CNTN6: variants seen among roughly 807,000 people sequenced by gnomAD.
CNTN6 encodes the protein contactin-6.
In CNTN6, 137 loss-of-function variants were observed where a neutral mutation model predicts 122.8. That is an observed-to-expected ratio of 1.12 (90% CI 0.97 to 1.29). The LOEUF (loss-of-function observed/expected upper bound fraction) is 1.29. CNTN6 is among the 50% of genes most tolerant of loss of function. The pLI is 0.00. For synonymous variants in CNTN6, 570 were observed against 426.0 expected (o/e 1.34, Z -4.16); for missense variants, 1,634 against 1,223.4 (o/e 1.34, Z -5.01).
At chr3:1,384,707 CATATACATACTAT>C (rs1692500152) in intron 19 of CNTN6, among the ~76,000 whole-genome samples, 3 of 137,030 alleles carry the variant, frequency 2.2e-5, no homozygotes. Flanking sequence ...CACACGTATA[CATATACATACTAT>C]ATATACACAC....
chr3:1,301,399 A>G (rs1697388026), intron 7 of CNTN6, among the ~76,000 whole-genome samples: 1 of 152,216 alleles, frequency 6.6e-6, no homozygotes, highest in African/African-American at 2.4e-5. Flanking sequence ...TTGGAAAATT[A>G]ATAGTTTAAA....
chr3:1,278,155 C>G (rs533438807), intron 4 of CNTN6, among the ~76,000 whole-genome samples: 1 of 152,280 alleles, frequency 6.6e-6, no homozygotes, highest in African/African-American at 2.4e-5. Flanking sequence ...CTAGGCTACA[C>G]TGTCTGGAAG....
chr3:1,329,912 G>C lies in CNTN6; in HGVS notation c.1341G>C (p.Thr447=). The C allele has an allele frequency of 1.2e-6, 2 of 1,609,172 alleles. No homozygotes were observed. Among genetic ancestry groups the C allele is most frequent in the Non-Finnish European group, 1.7e-6 (2 of 1,177,184 alleles). Reference sequence around the variant, plus strand: ...CAGCTATCTCTTGGAAAAGAGGAACGGAGACCCTTAGACAAAGCAAAAGGT... The same window carrying C: ...CAGCTATCTCTTGGAAAAGAGGAACCGAGACCCTTAGACAAAGCAAAAGGT... The part of the protein sequence containing the change: ...PRAAISWKRG[T]ETLRQSKRIF... Residue 447 remains threonine (T), a synonymous_variant, in exon 11 of 23, where the codon ACG becomes ACC. Transcript: ENST00000446702.
intron 10 of CNTN6, among the ~76,000 whole-genome samples, chr3:1,329,411 C>T (rs1195383599): frequency 6.6e-6 from 1 of 151,614 alleles, no homozygotes; most frequent in African/African-American, 2.4e-5. Context: ...AGAAAAGTGA[C>T]TTTGTCTAAC....
intron 2 of CNTN6, among the ~76,000 whole-genome samples, chr3:1,183,584 C>G (rs920207854): frequency 6.6e-6 from 1 of 151,876 alleles, no homozygotes; most frequent in Non-Finnish European, 1.5e-5. Context: ...TGGACACATT[C>G]CTACATTTTT....
At chr3:1,152,127 T>C (rs1027076154) in intron 2 of CNTN6, among the ~76,000 whole-genome samples, 3 of 138,616 alleles carry the variant, frequency 2.2e-5, no homozygotes, top group Non-Finnish European at 4.5e-5. Context: ...TATTTATATA[T>C]TTGTTTGTTT....
intron 10 of CNTN6, among the ~76,000 whole-genome samples, chr3:1,327,916 A>G (rs1701768208): frequency 6.6e-6 from 1 of 151,744 alleles, no homozygotes; most frequent in Non-Finnish European, 1.5e-5. Flanking sequence ...TAATAAAAAA[A>G]TCACAATTCA....
chr3:1,370,113 A>G (rs1708796923), intron 12 of CNTN6, among the ~76,000 whole-genome samples: 1 of 152,002 alleles, frequency 6.6e-6, no homozygotes, highest in South Asian at 2.1e-4. Flanking sequence ...TTCTTTGATT[A>G]GAATCCAATA....
intron 11 of CNTN6, among the ~76,000 whole-genome samples, chr3:1,349,683 T>G (rs1421405163): frequency 6.6e-6 from 1 of 151,916 alleles, no homozygotes; most frequent in Middle Eastern, 3.2e-3. Context: ...TTAAAATCAT[T>G]TCTGCTAAGA....
At chr3:1,271,121 G>A (rs752948940) in intron 4 of CNTN6, among the ~76,000 whole-genome samples, 5 of 152,116 alleles carry the variant, frequency 3.3e-5, no homozygotes, top group Admixed American at 2.0e-4. Flanking sequence ...CATGTGATCC[G>A]CCCACCTTGG....
chr3:1,393,946 C>G (rs921666569), intron 20 of CNTN6, among the ~76,000 whole-genome samples: 1 of 152,152 alleles, frequency 6.6e-6, no homozygotes, highest in African/African-American at 2.4e-5. Context: ...AGTAGCCCCA[C>G]ACTCCCTTGA....
At chr3:1,304,004 A>G (rs949734823) in intron 7 of CNTN6, among the ~76,000 whole-genome samples, 1 of 151,948 alleles carries the variant, frequency 6.6e-6, no homozygotes, top group Non-Finnish European at 1.5e-5. Context: ...CTCATGTGAC[A>G]CTCCTATGCA....
At chr3:1,232,709 A>C (rs1288605193) in intron 4 of CNTN6, among the ~76,000 whole-genome samples, 2 of 152,190 alleles carry the variant, frequency 1.3e-5, no homozygotes, top group Non-Finnish European at 2.9e-5. Context: ...CACCTACTGC[A>C]CTGTCCCAAA....
At chr3:1,306,789 G>T (rs1458651232) in intron 7 of CNTN6, among the ~76,000 whole-genome samples, 1 of 152,118 alleles carries the variant, frequency 6.6e-6, no homozygotes, top group Non-Finnish European at 1.5e-5. Context: ...TGCTTTGACT[G>T]AGGAGGTAAA....
At chr3:1,168,306 C>G (rs1575098552) in intron 2 of CNTN6, among the ~76,000 whole-genome samples, 1 of 150,092 alleles carries the variant, frequency 6.7e-6, no homozygotes, top group South Asian at 2.1e-4. Context: ...AAGATAATCC[C>G]CAAAAGCCCC....
intron 1 of CNTN6, among the ~76,000 whole-genome samples, chr3:1,122,334 GGGCGAGAGA>G (rs1182842010): frequency 7.7e-6 from 1 of 129,178 alleles, no homozygotes; most frequent in African/African-American, 3.1e-5. Context: ...AAAGAAGGGA[GGGCGAGAGA>G]GAGGGAAGGA....
chr3:1,381,572 T>C (rs919992467), intron 17 of CNTN6, among the ~76,000 whole-genome samples: 19 of 152,164 alleles, frequency 1.2e-4, no homozygotes, highest in African/African-American at 4.6e-4. Flanking sequence ...ACAGGAGCTC[T>C]AGGCAACCAT....
chr3:1,105,715 A>G (rs2091186990), intron 1 of CNTN6, among the ~76,000 whole-genome samples: 1 of 152,210 alleles, frequency 6.6e-6, no homozygotes, highest in African/African-American at 2.4e-5. Context: ...AAGCAAGTCT[A>G]CAACTTAAAG....
chr3:1,354,372 A>C lies in CNTN6; in HGVS notation c.1492+1921A>C, dbSNP rs936001119. On this transcript the variant is annotated intron_variant, in intron 12 of 22. Transcript: ENST00000446702. The stretch of plus-strand genomic sequence containing the variant: ...TAATCAAGATAGCTCAGTTAACAAA[A>C]AAAAAAAAAAAAGCCTGACTTACAT... 3.2e-4 allele frequency among the ~76,000 whole-genome samples: 48 copies of C among 150,898 alleles called. 1 individual carries two copies. Among genetic ancestry groups the C allele is most frequent in the African/African-American group, 9.9e-4 (41 of 41,368 alleles).
Sources: gnomAD v4.1 joint callset for allele counts (sites outside exome capture counted in the v4.1 genomes callset) on GRCh38, gnomAD v4.1.1 for gene constraint, MANE v1.5 for transcripts, NCBI Gene and HGNC (gene_info 2026-07-23, HGNC 2026-07-21) for gene names.